Variants in SCARB1 observed in about 807,000 individuals in gnomAD.
SCARB1 encodes scavenger receptor class B member 1, also known as CD36 and LIMPII analogous 1.
Under a neutral mutation model 57.2 loss-of-function variants are expected in SCARB1, and 30 were observed. The ratio of observed to expected loss-of-function variants is 0.52; its 90% CI spans 0.39 to 0.71. SCARB1 has a LOEUF of 0.71. Ranked by LOEUF, SCARB1 falls within the 30% of genes least tolerant of loss-of-function variation. The probability of loss-of-function intolerance (pLI) is 0.00; values close to 1 mark genes in which losing one functional copy is unlikely to be tolerated. For synonymous variants in SCARB1, 249 were observed against 268.3 expected (o/e 0.93, Z 0.70); for missense variants, 543 against 671.2 (o/e 0.81, Z 2.11).
At chr12:124,799,496 C>G (rs1255048781) in intron 8 of SCARB1, among the ~76,000 whole-genome samples, 2 of 152,088 alleles carry the variant, frequency 1.3e-5, no homozygotes, top group East Asian at 1.9e-4. Flanking sequence ...CACTGCACCC[C>G]AGCCTGGGCA....
chr12:124,785,716 G>T, intron 11 of SCARB1: 1 of 257,566 alleles, frequency 3.9e-6, no homozygotes. Flanking sequence ...TATTGATGCC[G>T]TTTATACTGA....
intron 1 of SCARB1, among the ~76,000 whole-genome samples, chr12:124,839,446 C>T (rs1951824582): frequency 6.6e-6 from 1 of 152,216 alleles, no homozygotes; most frequent in Admixed American, 6.5e-5. Flanking sequence ...TTCTTACCCA[C>T]CACCCATCAG....
At chr12:124,782,833 T>G in intron 11 of SCARB1, 22 bp from the exon 12 acceptor site, 1 of 1,613,918 alleles carries the variant, frequency 6.2e-7, no homozygotes. Flanking sequence ...CCAAGCTAAT[T>G]TATAGTTGAC....
chr12:124,793,475 C>T (rs1334222083), intron 9 of SCARB1, among the ~76,000 whole-genome samples: 2 of 151,896 alleles, frequency 1.3e-5, no homozygotes, highest in African/African-American at 2.4e-5. Flanking sequence ...GGGCGGATCA[C>T]GAGGTCAGGA....
intron 1 of SCARB1, among the ~76,000 whole-genome samples, chr12:124,832,937 C>A (rs1442535872): frequency 6.6e-6 from 1 of 151,840 alleles, no homozygotes; most frequent in Non-Finnish European, 1.5e-5. Flanking sequence ...CTGGGACTGC[C>A]CCTGAGATGG....
intron 1 of SCARB1, among the ~76,000 whole-genome samples, chr12:124,841,327 G>T (rs1951898141): frequency 6.6e-6 from 1 of 150,638 alleles, no homozygotes; most frequent in African/African-American, 2.4e-5. Context: ...AGCGGAGATT[G>T]CGCCACTGCA....
At chr12:124,860,438 C>G (rs1189135887) in intron 1 of SCARB1, among the ~76,000 whole-genome samples, 1 of 152,248 alleles carries the variant, frequency 6.6e-6, no homozygotes. Context: ...AGTGAGGGGC[C>G]TCTCCCCCAT....
Position 124,814,935 on chromosome 12 carries a change from C to A in SCARB1, c.426+38G>T. 1.9e-6 allele frequency: 3 copies of A among 1,613,442 alleles called. No homozygotes were observed. The South Asian group carries it at 3.3e-5, about 18-fold the overall frequency. On this transcript the variant is annotated intron_variant, in intron 3 of 12. Transcript: ENST00000261693. The surrounding 1 kb of genome is among the most constrained non-coding windows in gnomAD (Gnocchi z 4.7). ...CGGGAGGAGAGACAGGGGACGAGGT[C>A]AGGGTGCGAGGCGGCGTGGGCCACA...
chr12:124,847,725 G>A (rs970182442), intron 1 of SCARB1, among the ~76,000 whole-genome samples: 15 of 152,232 alleles, frequency 9.9e-5, no homozygotes, highest in African/African-American at 2.7e-4. Flanking sequence ...GAAGGGACCA[G>A]GAGGAATTGC....
At chr12:124,848,750 G>A (rs1431489811) in intron 1 of SCARB1, among the ~76,000 whole-genome samples, 3 of 152,234 alleles carry the variant, frequency 2.0e-5, no homozygotes, top group Non-Finnish European at 4.4e-5. Flanking sequence ...ACCGTGGAGC[G>A]TTTCCAGGCA....
intron 12 of SCARB1, among the ~76,000 whole-genome samples, chr12:124,780,255 A>G (rs1456516558): frequency 6.6e-6 from 1 of 152,092 alleles, no homozygotes; most frequent in Non-Finnish European, 1.5e-5. Context: ...TTCACTGCAC[A>G]AAAGGACCCA....
At chr12:124,803,583 A>G (rs1950211119) in intron 7 of SCARB1, among the ~76,000 whole-genome samples, 1 of 147,434 alleles carries the variant, frequency 6.8e-6, no homozygotes, top group Non-Finnish European at 1.5e-5. Flanking sequence ...ACAAAGCAAA[A>G]AACCCCAAAA....
intron 1 of SCARB1, among the ~76,000 whole-genome samples, chr12:124,831,012 G>C: frequency 6.8e-6 from 1 of 146,252 alleles, no homozygotes; most frequent in Non-Finnish European, 1.5e-5. Flanking sequence ...GTTTTGCTCT[G>C]TCACCCAGGC....
chr12:124,780,100 TCCTCCTCCTTCC>T (rs1340073049), intron 12 of SCARB1, among the ~76,000 whole-genome samples: 1 of 152,174 alleles, frequency 6.6e-6, no homozygotes, highest in Non-Finnish European at 1.5e-5. Flanking sequence ...TGAAGCAGGT[TCCTCCTCCTTCC>T]CCTCCTCCTC....
At position 124,807,995 on chromosome 12, in the gene SCARB1, G is replaced by A; in HGVS notation, c.843-68C>T. 1 of 1,523,350 alleles carries A rather than the reference G, an allele frequency of 6.6e-7. No individual in the cohort carries two copies. Among genetic ancestry groups the A allele is most frequent in the Non-Finnish European group, 9.1e-7 (1 of 1,100,632 alleles). 94.4% of individuals were successfully genotyped at this position (1,523,350 alleles called of 1,614,324 possible). ...CGGCCAGAGCCAGGCCCTGCCAAAGGCTGCCCAGATCCAGCCACTTCTCCC... is the reference window on the plus strand; with the variant it reads ...CGGCCAGAGCCAGGCCCTGCCAAAGACTGCCCAGATCCAGCCACTTCTCCC... On this transcript the variant is annotated intron_variant, in intron 6 of 12. Transcript: ENST00000261693. This position sits in a 1 kb window ranked among gnomAD's most constrained non-coding sequence, Gnocchi z 5.3.
chr12:124,809,400 C>T (rs1307733756), intron 6 of SCARB1, among the ~76,000 whole-genome samples: 4 of 152,142 alleles, frequency 2.6e-5, no homozygotes, highest in African/African-American at 9.7e-5. Context: ...GCCTGGGCAA[C>T]ATAGCGAGAT....
rs1949653337 is a variant in SCARB1 at position 124,789,698 on chromosome 12, T to G, written c.1203-2241A>C. On this transcript the variant is annotated intron_variant, in intron 9 of 12. Coordinates refer to ENST00000261693, the MANE Select transcript of SCARB1 (RefSeq NM_005505.5). The surrounding 1 kb of genome is among the most constrained non-coding windows in gnomAD (Gnocchi z 4.4). ...AAAACAAAAACAAATTTTAAAACCC[T>G]AAAAAAAGAAAAATTAATTTTTAAA... 6.6e-6 allele frequency among the ~76,000 whole-genome samples: 1 copy of G among 151,946 alleles called. No homozygotes were observed. Among genetic ancestry groups the G allele is most frequent in the African/African-American group, 2.4e-5 (1 of 41,364 alleles).
In SCARB1 at chr12:124,817,639, G is replaced by A. The variant is rs758197693; in HGVS notation, c.195C>T (p.Leu65=). The change falls in exon 2 of 13, where the codon CTC becomes CTT. Residue 65 remains leucine (L), a synonymous_variant. Coordinates refer to ENST00000261693, the MANE Select transcript of SCARB1 (RefSeq NM_005505.5). The surrounding 1 kb of genome is among the most constrained non-coding windows in gnomAD (Gnocchi z 4.8). ...TCATGACGTCAAAGAAGTAGACGGA[G>A]AGATAGAAGGGGATAGGGATCTCCT... ...MWKEIPIPFY[L]SVYFFDVMNP... 9.9e-6 allele frequency: 16 copies of A among 1,614,114 alleles called. No individual in the cohort carries two copies. The South Asian group carries it at 1.6e-4, about 17-fold the overall frequency.
rs199803969 is a variant in SCARB1 at position 124,839,679 on chromosome 12, C to T, written c.127-21972G>A. The T allele has an allele frequency of 2.2e-5, 22 of 978,224 alleles. 2 individuals are homozygous for T. The African/African-American group carries it at 2.5e-4, about 11-fold the overall frequency. The allele number at this position is 978,224 out of a possible 1,614,324, so 60.6% of individuals were successfully genotyped here. On this transcript the variant is annotated intron_variant, in intron 1 of 12. Coordinates refer to ENST00000261693, the MANE Select transcript of SCARB1 (RefSeq NM_005505.5). Reference sequence around the variant, plus strand: ...ACACATGGGCCCCGATTTCTCCGCACCCTCACCCCAACGGCACACATGGGC... The same window carrying T: ...ACACATGGGCCCCGATTTCTCCGCATCCTCACCCCAACGGCACACATGGGC...
Sources: gnomAD v4.1 joint callset for allele counts (sites outside exome capture counted in the v4.1 genomes callset) on GRCh38, gnomAD v4.1.1 for gene constraint, Gnocchi (gnomAD v3.1) non-coding constraint, MANE v1.5 for transcripts, NCBI Gene and HGNC (gene_info 2026-07-23, HGNC 2026-07-21) for gene names.